The following SH3RF3 variants were observed in gnomAD, a reference collection of about 807,000 sequenced individuals.
The protein encoded by SH3RF3 is E3 ubiquitin-protein ligase SH3RF3.
In SH3RF3, 29 loss-of-function variants were observed where a neutral mutation model predicts 66.3. That is an observed-to-expected ratio of 0.44 (90% CI 0.33 to 0.60). The LOEUF (loss-of-function observed/expected upper bound fraction) is 0.60. Among genes scored for constraint, SH3RF3 ranks in the 20% least tolerant of loss-of-function variants. The pLI is 0.04. For missense variants in SH3RF3, 1,194 were observed against 1,190.9 expected, an observed-to-expected ratio of 1.00 and a Z score of -0.04; for synonymous variants, 583 against 532.0, an observed-to-expected ratio of 1.10 and a Z score of -1.32.
chr2:109,491,340 C>T (rs1679126489), intron 9 of SH3RF3, among the ~76,000 whole-genome samples: 1 of 152,180 alleles, frequency 6.6e-6, no homozygotes, highest in Admixed American at 6.5e-5. Context: ...GCAGCTCTTC[C>T]CTCGCAAGCC....
intron 5 of SH3RF3, among the ~76,000 whole-genome samples, chr2:109,427,531 C>T (rs191241845): frequency 1.5e-4 from 23 of 152,296 alleles, no homozygotes; most frequent in Admixed American, 1.2e-3. Context: ...GGTGAGGCCC[C>T]AGAATCTCTA....
chr2:109,437,884 C>T (rs1443576392), intron 7 of SH3RF3, among the ~76,000 whole-genome samples: 1 of 152,140 alleles, frequency 6.6e-6, no homozygotes, highest in Non-Finnish European at 1.5e-5. Context: ...GGAGCCCATG[C>T]CACGGCGTCT....
chr2:109,205,943 T>C (rs1377753100), intron 1 of SH3RF3, among the ~76,000 whole-genome samples: 1 of 152,254 alleles, frequency 6.6e-6, no homozygotes, highest in Non-Finnish European at 1.5e-5. Flanking sequence ...TGTGTGTTTT[T>C]CTGAGCTCTT....
intron 1 of SH3RF3, among the ~76,000 whole-genome samples, chr2:109,344,448 G>A (rs1022259181): frequency 6.6e-6 from 1 of 152,212 alleles, no homozygotes; most frequent in Non-Finnish European, 1.5e-5. Flanking sequence ...GCTGTCTGCC[G>A]TGGCTGGGCA....
chr2:109,249,519 T>TTCTTTCTTTCTTTCTTTCTTTCTTTC (rs10646553), intron 1 of SH3RF3, among the ~76,000 whole-genome samples: 1 of 61,900 alleles, frequency 1.6e-5, no homozygotes, highest in East Asian at 4.5e-4. Flanking sequence ...CATTCTTTCT[T>TTCTTTCTTTCTTTCTTTCTTTCTTTC]TTTCTTTCTT....
intron 1 of SH3RF3, among the ~76,000 whole-genome samples, chr2:109,232,553 G>A (rs981563491): frequency 6.6e-6 from 1 of 152,202 alleles, no homozygotes; most frequent in Non-Finnish European, 1.5e-5. Flanking sequence ...TGTTCAATAA[G>A]CGTGGACCTT....
At chr2:109,493,702 A>G (rs1046957884) in intron 9 of SH3RF3, among the ~76,000 whole-genome samples, 2 of 151,582 alleles carry the variant, frequency 1.3e-5, no homozygotes, top group Non-Finnish European at 2.9e-5. Context: ...ACCACACACC[A>G]TACATACACA....
At chr2:109,141,070 A>G (rs556618210) in intron 1 of SH3RF3, among the ~76,000 whole-genome samples, 96 of 152,314 alleles carry the variant, frequency 6.3e-4, no homozygotes, top group Non-Finnish European at 9.1e-4. Flanking sequence ...GAAGGGATCA[A>G]TGCTATGCTG....
At chr2:109,214,513 C>G (rs115953012) in intron 1 of SH3RF3, among the ~76,000 whole-genome samples, 3,245 of 151,828 alleles carry the variant, frequency 0.021, 107 homozygotes, top group African/African-American at 0.073. Flanking sequence ...CAGCCAGGCC[C>G]TGGCGTAGAA....
chr2:109,268,470 C>T (rs1246844901), intron 1 of SH3RF3, among the ~76,000 whole-genome samples: 1 of 152,140 alleles, frequency 6.6e-6, no homozygotes, highest in African/African-American at 2.4e-5. Flanking sequence ...GCTGCAGCAG[C>T]TCCTTTCTCC....
At chr2:109,434,721 C>G (rs1429251520) in intron 6 of SH3RF3, among the ~76,000 whole-genome samples, 3 of 152,244 alleles carry the variant, frequency 2.0e-5, no homozygotes, top group African/African-American at 7.2e-5. Context: ...AAGCAGCCCA[C>G]TGGCAAGTTC....
intron 1 of SH3RF3, among the ~76,000 whole-genome samples, chr2:109,267,802 G>C (rs1288226399): frequency 6.6e-6 from 1 of 152,238 alleles, no homozygotes; most frequent in East Asian, 1.9e-4. Flanking sequence ...GTCAAGCCCT[G>C]TTGGGGAGGG....
rs891965153 is a variant in SH3RF3, at chr2:109,360,872, A to G, written c.850-10714A>G. Among the ~76,000 whole-genome samples, 4 of 152,346 alleles carry G rather than the reference A, an allele frequency of 2.6e-5. No individual in the cohort carries two copies. The South Asian group carries it at 8.3e-4, about 32-fold the overall frequency. ...GTATGATGTTAAAAAGCAGGGGCAG[A>G]GAGTACATTCTTGCCTTGTCCTTGA... On this transcript the variant is annotated intron_variant, in intron 2 of 9. Coordinates refer to ENST00000309415, the MANE Select transcript of SH3RF3 (RefSeq NM_001099289.3).
intron 8 of SH3RF3, among the ~76,000 whole-genome samples, chr2:109,478,828 T>C (rs2104755680): frequency 6.6e-6 from 1 of 152,316 alleles, no homozygotes; most frequent in East Asian, 1.9e-4. Flanking sequence ...CCAGTTACTT[T>C]TGCTGCATAA....
chr2:109,453,078 TGC>T (rs1334092758), intron 8 of SH3RF3, among the ~76,000 whole-genome samples: 3 of 152,198 alleles, frequency 2.0e-5, no homozygotes, highest in African/African-American at 7.2e-5. Flanking sequence ...CTCTGTTCCC[TGC>T]GTGGCCCGAT....
chr2:109,353,445 T>A (rs1426550226), intron 2 of SH3RF3, among the ~76,000 whole-genome samples: 1 of 152,164 alleles, frequency 6.6e-6, no homozygotes, highest in East Asian at 1.9e-4. Context: ...GAGAGGTAGG[T>A]GTTCATAGTC....
Position 109,347,817 on chromosome 2 carries a change from A to C in SH3RF3, c.717A>C (p.Thr239=). Residue 239 remains threonine, a synonymous_variant, in exon 2 of 10, where the codon ACA becomes ACC. Coordinates refer to ENST00000309415, the MANE Select transcript of SH3RF3 (RefSeq NM_001099289.3). Reference sequence around the variant, plus strand: ...GGTACCACGGCGAGCTGCACGGCACACAGGGCTTCCTCCCAGCCAGCTATA... The same window carrying C: ...GGTACCACGGCGAGCTGCACGGCACCCAGGGCTTCCTCCCAGCCAGCTATA... ...EQWYHGELHG[T]QGFLPASYIQ... 1 of 1,613,992 alleles carries C rather than the reference A, an allele frequency of 6.2e-7. No homozygotes were observed.
intron 1 of SH3RF3, among the ~76,000 whole-genome samples, chr2:109,175,448 G>T (rs920721853): frequency 6.6e-6 from 1 of 152,220 alleles, no homozygotes; most frequent in Non-Finnish European, 1.5e-5. Context: ...TAACCAGGAA[G>T]CTTCACGAGT....
At chr2:109,400,023 C>T (rs546630288) in intron 4 of SH3RF3, among the ~76,000 whole-genome samples, 6 of 152,328 alleles carry the variant, frequency 3.9e-5, no homozygotes, top group East Asian at 1.9e-4. Flanking sequence ...AGAGCAAGGG[C>T]GCTGATCTGC....
Sources: gnomAD v4.1 joint callset for allele counts (sites outside exome capture counted in the v4.1 genomes callset) on GRCh38, gnomAD v4.1.1 for gene constraint, MANE v1.5 for transcripts, NCBI Gene and HGNC (gene_info 2026-07-23, HGNC 2026-07-21) for gene names.